Variants in HPSE2 observed in about 807,000 individuals in gnomAD.
HPSE2 encodes heparanase 2 (inactive).
A neutral mutation model predicts 60.5 loss-of-function variants in HPSE2; 38 were observed. The ratio of observed to expected loss-of-function variants is 0.63; its 90% CI spans 0.48 to 0.82. The LOEUF is 0.82. Among genes scored for constraint, HPSE2 ranks in the 40% least tolerant of loss-of-function variants. The pLI is 0.00. For synonymous variants in HPSE2, 295 were observed against 293.2 expected, an observed-to-expected ratio of 1.01 and a Z score of -0.06; for missense variants, 713 against 740.4, an observed-to-expected ratio of 0.96 and a Z score of 0.43.
intron 3 of HPSE2, among the ~76,000 whole-genome samples, chr10:98,927,326 G>A (rs960287544): frequency 4.6e-5 from 7 of 151,932 alleles, no homozygotes; most frequent in Non-Finnish European, 8.8e-5. Flanking sequence ...CACTGCTCAA[G>A]GAAATAAAAG....
At chr10:99,168,853 C>T (rs191631753) in intron 2 of HPSE2, among the ~76,000 whole-genome samples, 12 of 152,266 alleles carry the variant, frequency 7.9e-5, no homozygotes, top group Non-Finnish European at 1.6e-4. Flanking sequence ...AAAATGATTT[C>T]ATTTCAAGGT....
At chr10:98,759,418 G>A (rs2134381590) in intron 3 of HPSE2, among the ~76,000 whole-genome samples, 1 of 152,184 alleles carries the variant, frequency 6.6e-6, no homozygotes, top group South Asian at 2.1e-4. Flanking sequence ...AATTTTACAA[G>A]TTTTGGGTCT....
chr10:99,296,914 G>A, the HPSE2 span, among the ~76,000 whole-genome samples: 1 of 152,274 alleles, frequency 6.6e-6, no homozygotes, highest in South Asian at 2.1e-4. Context: ...TTGGCAGGAA[G>A]GCAATCATCG....
intron 9 of HPSE2, among the ~76,000 whole-genome samples, chr10:98,562,648 G>A (rs1013334092): frequency 1.4e-5 from 2 of 147,942 alleles, no homozygotes; most frequent in Admixed American, 1.4e-4. Flanking sequence ...CCGGGAGACA[G>A]AACTTGCAGT....
chr10:98,639,283 G>C (rs1391893388), intron 7 of HPSE2, among the ~76,000 whole-genome samples: 1 of 152,162 alleles, frequency 6.6e-6, no homozygotes, highest in Non-Finnish European at 1.5e-5. Context: ...TGTACCCTTT[G>C]AGAATTCCTG....
chr10:98,953,202 T>C (rs1274677813), intron 3 of HPSE2, among the ~76,000 whole-genome samples: 1 of 152,118 alleles, frequency 6.6e-6, no homozygotes, highest in African/African-American at 2.4e-5. Context: ...TCTAAGATGT[T>C]CCATAAAAGG....
chr10:98,590,486 C>T (rs1318254174), intron 9 of HPSE2, among the ~76,000 whole-genome samples: 4 of 152,192 alleles, frequency 2.6e-5, no homozygotes, highest in African/African-American at 9.7e-5. Context: ...AAATATCACC[C>T]TTTATTCTTT....
At chr10:99,040,201 T>C (rs1049687411) in intron 3 of HPSE2, among the ~76,000 whole-genome samples, 5 of 152,222 alleles carry the variant, frequency 3.3e-5, no homozygotes, top group Admixed American at 2.0e-4. Flanking sequence ...TCAGCACATA[T>C]AGTTCTACTG....
chr10:98,512,370 C>T (rs539789320), intron 9 of HPSE2, among the ~76,000 whole-genome samples: 5 of 152,034 alleles, frequency 3.3e-5, no homozygotes, highest in African/African-American at 7.3e-5. Context: ...TCACGAGGTC[C>T]GGAGATCGAG....
chr10:98,939,158 T>C (rs1954907847), intron 3 of HPSE2, among the ~76,000 whole-genome samples: 2 of 143,772 alleles, frequency 1.4e-5, no homozygotes, highest in Admixed American at 6.9e-5. Flanking sequence ...CCATCGAGGC[T>C]AGGAAGAAAC....
At chr10:98,585,165 T>C (rs1171504516) in intron 9 of HPSE2, among the ~76,000 whole-genome samples, 2 of 152,158 alleles carry the variant, frequency 1.3e-5, no homozygotes, top group East Asian at 1.9e-4. Flanking sequence ...AATCACATAG[T>C]TTGCTCTGAG....
chr10:98,806,492 T>A (rs1951044402), intron 3 of HPSE2, among the ~76,000 whole-genome samples: 1 of 152,194 alleles, frequency 6.6e-6, no homozygotes, highest in Non-Finnish European at 1.5e-5. Context: ...CAGCTCTGCC[T>A]CTTACTTCCT....
chr10:99,229,147 C>T (rs975534135), intron 2 of HPSE2, among the ~76,000 whole-genome samples: 19 of 151,360 alleles, frequency 1.3e-4, no homozygotes, highest in East Asian at 1.9e-4. Context: ...GCCCTCTAGC[C>T]TGGGCAAAAG....
chr10:98,802,042 T>C (rs138004623), intron 3 of HPSE2, among the ~76,000 whole-genome samples: 2 of 148,194 alleles, frequency 1.3e-5, no homozygotes, highest in East Asian at 4.0e-4. Flanking sequence ...CACACATCTA[T>C]AGTGAACTCA....
At chr10:98,625,031 C>T (rs754269152) in intron 7 of HPSE2, among the ~76,000 whole-genome samples, 22 of 152,344 alleles carry the variant, frequency 1.4e-4, no homozygotes, top group Admixed American at 8.5e-4. Flanking sequence ...GCAGGGAATA[C>T]TTTTATTCAC....
At chr10:99,164,613 A>G (rs1846991671) in intron 2 of HPSE2, among the ~76,000 whole-genome samples, 1 of 152,112 alleles carries the variant, frequency 6.6e-6, no homozygotes, top group African/African-American at 2.4e-5. Flanking sequence ...TCAAGTAGAA[A>G]GAGCTCAGAG....
At chr10:98,584,995 A>AG (rs1944899850) in intron 9 of HPSE2, among the ~76,000 whole-genome samples, 3 of 152,276 alleles carry the variant, frequency 2.0e-5, no homozygotes, top group African/African-American at 7.2e-5. Flanking sequence ...TAGTAGAATG[A>AG]GAAAAACAAA....
intron 4 of HPSE2, among the ~76,000 whole-genome samples, chr10:98,730,626 A>T (rs1280213209): frequency 6.6e-6 from 1 of 152,172 alleles, no homozygotes; most frequent in Non-Finnish European, 1.5e-5. Context: ...AAAAGGGAAC[A>T]CCACTAAACA....
At chr10:98,502,498 T>C (rs1478039438) in intron 9 of HPSE2, among the ~76,000 whole-genome samples, 2 of 152,222 alleles carry the variant, frequency 1.3e-5, no homozygotes, top group African/African-American at 2.4e-5. Flanking sequence ...GCTAGCCACA[T>C]GTAGGAGAAT....
Sources: allele counts gnomAD v4.1 joint callset (sites outside exome capture counted in the v4.1 genomes callset), GRCh38; gene constraint gnomAD v4.1.1; transcripts MANE v1.5; gene names NCBI Gene and HGNC (gene_info 2026-07-23, HGNC 2026-07-21).